CNTNAP5: variants seen among roughly 807,000 people sequenced by gnomAD.
CNTNAP5 encodes the protein contactin associated protein family member 5, also known as contactin-associated protein-like 5.
CNTNAP5 carries 72 observed loss-of-function variants against 150.2 expected under a neutral mutation model. That is an observed-to-expected ratio of 0.48 (90% CI 0.40 to 0.58). The LOEUF (loss-of-function observed/expected upper bound fraction) is 0.58, where lower values mean the gene tolerates loss of function less well. CNTNAP5 is among the 20% of genes least tolerant of loss of function. The probability of loss-of-function intolerance (pLI) is 0.00; values close to 1 mark genes in which losing one functional copy is unlikely to be tolerated. For synonymous variants in CNTNAP5, 672 were observed against 619.8 expected (o/e 1.08, Z -1.25); for missense variants, 1,636 against 1,626.2 (o/e 1.01, Z -0.10).
intron 3 of CNTNAP5, among the ~76,000 whole-genome samples, chr2:124,270,366 T>C (rs143498837): frequency 8.5e-5 from 13 of 152,084 alleles, no homozygotes; most frequent in African/African-American, 2.7e-4. Context: ...AAATCTCTCA[T>C]AGGGAGCTTA....
rs199915829 is a variant in CNTNAP5, at chr2:124,263,036, A to G, written c.381+20643A>G. The stretch of plus-strand genomic sequence containing the variant: ...GGTGTATATGTGCCACATTTTCTTA[A>G]TCCAGTCTATCATTGATGGACATCT... On this transcript the variant is annotated intron_variant, in intron 3 of 23. Coordinates refer to ENST00000682447, the MANE Select transcript of CNTNAP5 (RefSeq NM_001367498.1). Among the ~76,000 whole-genome samples, 8 of 151,848 alleles carry G rather than the reference A, an allele frequency of 5.3e-5. No homozygotes were observed. The East Asian group carries it at 1.4e-3, about 26-fold the overall frequency.
intron 1 of CNTNAP5, among the ~76,000 whole-genome samples, chr2:124,199,574 C>T (rs1034476702): frequency 6.6e-6 from 1 of 152,036 alleles, no homozygotes; most frequent in African/African-American, 2.4e-5. Context: ...TGCCACCACA[C>T]CCAGCTAATT....
intron 3 of CNTNAP5, among the ~76,000 whole-genome samples, chr2:124,294,146 T>C (rs1305439769): frequency 6.6e-6 from 1 of 152,190 alleles, no homozygotes; most frequent in Non-Finnish European, 1.5e-5. Context: ...AAATTGCACT[T>C]TTCTCTGGAG....
intron 1 of CNTNAP5, among the ~76,000 whole-genome samples, chr2:124,183,161 C>T (rs1685247999): frequency 6.6e-6 from 1 of 152,104 alleles, no homozygotes; most frequent in Non-Finnish European, 1.5e-5. Context: ...TTGCTATATT[C>T]CTACCACTTG....
intron 7 of CNTNAP5, among the ~76,000 whole-genome samples, chr2:124,501,428 A>G (rs1467905613): frequency 6.6e-6 from 1 of 152,198 alleles, no homozygotes; most frequent in East Asian, 1.9e-4. Flanking sequence ...GATATTTGAG[A>G]AAGAGATTAA....
Position 124,911,555 on chromosome 2 carries a change from T to C in CNTNAP5, c.3727+17T>C. On this transcript the variant is annotated intron_variant, in intron 23 of 23. Transcript: ENST00000682447. ...TCATCGGAGGTAAACAATTCATTGTTGTTGAATGCAAAAAGACATAAACGA... is the reference window on the plus strand; with the variant it reads ...TCATCGGAGGTAAACAATTCATTGTCGTTGAATGCAAAAAGACATAAACGA... 1 of 1,571,012 alleles carries C rather than the reference T, an allele frequency of 6.4e-7. No homozygotes were observed. Among genetic ancestry groups the C allele is most frequent in the Non-Finnish European group, 8.7e-7 (1 of 1,152,454 alleles).
chr2:124,723,292 A>G (rs1002951992), intron 13 of CNTNAP5, among the ~76,000 whole-genome samples: 1 of 152,158 alleles, frequency 6.6e-6, no homozygotes, highest in Non-Finnish European at 1.5e-5. Flanking sequence ...CTAGAATACA[A>G]TTCAGCCTCT....
intron 1 of CNTNAP5, among the ~76,000 whole-genome samples, chr2:124,036,687 G>T (rs1367037656): frequency 6.6e-6 from 1 of 152,116 alleles, no homozygotes; most frequent in Admixed American, 6.5e-5. Flanking sequence ...TTCTTTCTCG[G>T]CAGGGTTTCA....
chr2:124,079,499 T>C (rs4361131), intron 1 of CNTNAP5, among the ~76,000 whole-genome samples: 150,388 of 152,274 alleles, frequency 0.99, 74,296 homozygotes, highest in Non-Finnish European at 1. Context: ...TTTATCTATC[T>C]GAACCCCTGA....
intron 7 of CNTNAP5, among the ~76,000 whole-genome samples, chr2:124,496,777 C>A (rs568753003): frequency 1.3e-5 from 2 of 152,184 alleles, no homozygotes; most frequent in Admixed American, 1.3e-4. Context: ...ACTGTCCCTA[C>A]GGTAGAGGAG....
At chr2:124,103,072 T>C (rs944155058) in intron 1 of CNTNAP5, among the ~76,000 whole-genome samples, 5 of 152,122 alleles carry the variant, frequency 3.3e-5, no homozygotes, top group African/African-American at 9.7e-5. Flanking sequence ...CCTAATGACA[T>C]CTTGATGATC....
chr2:124,243,436 A>C (rs1398948501), intron 3 of CNTNAP5, among the ~76,000 whole-genome samples: 1 of 152,142 alleles, frequency 6.6e-6, no homozygotes, highest in Non-Finnish European at 1.5e-5. Context: ...CCTACCCATC[A>C]CTTGGGGTTG....
chr2:124,190,755 A>G (rs888776489), intron 1 of CNTNAP5, among the ~76,000 whole-genome samples: 3 of 152,230 alleles, frequency 2.0e-5, no homozygotes, highest in African/African-American at 7.2e-5. Flanking sequence ...TACAGTTATT[A>G]AAAACAATAT....
chr2:124,053,822 G>A (rs1681774371), intron 1 of CNTNAP5, among the ~76,000 whole-genome samples: 1 of 152,116 alleles, frequency 6.6e-6, no homozygotes, highest in Non-Finnish European at 1.5e-5. Flanking sequence ...GAAGGCCCAT[G>A]AAAGCATATC....
chr2:124,205,868 CAT>C (rs1685851090), intron 1 of CNTNAP5, among the ~76,000 whole-genome samples: 1 of 152,154 alleles, frequency 6.6e-6, no homozygotes, highest in Non-Finnish European at 1.5e-5. Flanking sequence ...AAGATGTAGT[CAT>C]ATGTACATGA....
intron 13 of CNTNAP5, among the ~76,000 whole-genome samples, chr2:124,658,347 CTTATAT>C (rs1048006305): frequency 1.8e-4 from 28 of 152,156 alleles, no homozygotes; most frequent in African/African-American, 5.6e-4. Flanking sequence ...ATACTAGAGG[CTTATAT>C]TTAATGTTCT....
At chr2:124,442,309 A>G (rs184190618) in intron 5 of CNTNAP5, among the ~76,000 whole-genome samples, 1 of 152,294 alleles carries the variant, frequency 6.6e-6, no homozygotes. Flanking sequence ...ACAACAACCG[A>G]CATAACCTAC....
At chr2:124,464,921 G>A (rs776722984) in intron 6 of CNTNAP5, among the ~76,000 whole-genome samples, 7 of 152,068 alleles carry the variant, frequency 4.6e-5, no homozygotes, top group Non-Finnish European at 7.4e-5. Flanking sequence ...TTTTATACCT[G>A]TTTCTTTAAG....
intron 3 of CNTNAP5, among the ~76,000 whole-genome samples, chr2:124,317,970 G>A (rs1208628517): frequency 6.6e-6 from 1 of 152,232 alleles, no homozygotes; most frequent in Admixed American, 6.5e-5. Flanking sequence ...CAGTGTGAGT[G>A]ATAAGATCTG....
Sources: gnomAD v4.1 joint callset for allele counts (sites outside exome capture counted in the v4.1 genomes callset) on GRCh38, gnomAD v4.1.1 for gene constraint, MANE v1.5 for transcripts, NCBI Gene and HGNC (gene_info 2026-07-23, HGNC 2026-07-21) for gene names.